The following NCKAP5 variants were observed in gnomAD, a reference collection of about 807,000 sequenced individuals.
NCKAP5 encodes the protein NCK associated protein 5, also known as nck-associated protein 5.
In NCKAP5, 92 loss-of-function variants were observed where a neutral mutation model predicts 167.0. The ratio of observed to expected loss-of-function variants is 0.55; its 90% CI spans 0.47 to 0.66. NCKAP5 has a LOEUF of 0.66. Ranked by LOEUF, NCKAP5 falls within the 30% of genes least tolerant of loss-of-function variation. NCKAP5 has a pLI of 0.00. For missense variants in NCKAP5, 2,378 were observed against 2,315.0 expected (o/e 1.03, Z -0.56); for synonymous variants, 891 against 877.4 (o/e 1.02, Z -0.27).
chr2:132,820,737 G>GAGC (rs961286694), intron 11 of NCKAP5, among the ~76,000 whole-genome samples: 7 of 152,114 alleles, frequency 4.6e-5, no homozygotes, highest in African/African-American at 1.7e-4. Context: ...TAAGCAAGAT[G>GAGC]GGCTGTGTTA....
chr2:133,473,130 G>C (rs150961174), intron 3 of NCKAP5, among the ~76,000 whole-genome samples: 1 of 152,046 alleles, frequency 6.6e-6, no homozygotes, highest in Non-Finnish European at 1.5e-5. Flanking sequence ...TCAGGAGATC[G>C]AGACCATCCT....
intron 2 of NCKAP5, among the ~76,000 whole-genome samples, chr2:133,520,147 C>T (rs564478546): frequency 4.2e-4 from 64 of 152,220 alleles, no homozygotes; most frequent in African/African-American, 1.4e-3. Context: ...GCCAAGATCG[C>T]GCCACTGCAC....
intron 4 of NCKAP5, among the ~76,000 whole-genome samples, chr2:133,248,192 G>A (rs1459221148): frequency 2.6e-5 from 4 of 152,234 alleles, no homozygotes; most frequent in Admixed American, 6.5e-5. Flanking sequence ...GGAGAAGGTG[G>A]TGGAATCATA....
intron 6 of NCKAP5, among the ~76,000 whole-genome samples, chr2:133,012,499 C>T (rs546698458): frequency 2.0e-5 from 3 of 152,284 alleles, no homozygotes; most frequent in African/African-American, 7.2e-5. Flanking sequence ...CTGCCCGCCT[C>T]GGCCTCCCAA....
At chr2:133,401,370 C>T (rs1324764424) in intron 3 of NCKAP5, among the ~76,000 whole-genome samples, 1 of 152,212 alleles carries the variant, frequency 6.6e-6, no homozygotes, top group Admixed American at 6.5e-5. Flanking sequence ...GTTCTGTGAG[C>T]TGTTCTAGCA....
chr2:133,102,274 G>A (rs921583836), intron 6 of NCKAP5, among the ~76,000 whole-genome samples: 2 of 152,122 alleles, frequency 1.3e-5, no homozygotes, highest in Non-Finnish European at 2.9e-5. Flanking sequence ...AGCCTCCCGA[G>A]TAGCCGGGAC....
At position 133,556,500 on chromosome 2, in the gene NCKAP5, C is replaced by G. The variant is rs181485090; in HGVS notation, c.-62+2550G>C. On this transcript the variant is annotated intron_variant, in intron 2 of 19. Transcript: ENST00000409261. ...TCCTTCTCCCCACTATGTTATGAAACCCATAAAGATAAATGTTTTCCCCTT... is the reference window on the plus strand; with the variant it reads ...TCCTTCTCCCCACTATGTTATGAAAGCCATAAAGATAAATGTTTTCCCCTT... Among the ~76,000 whole-genome samples, 299 of 152,278 alleles carry G rather than the reference C, an allele frequency of 2.0e-3. 2 individuals carry two copies. The highest frequency in any genetic ancestry group is 6.3e-3 in the African/African-American group (262 of 41,576).
At chr2:133,332,479 T>G (rs1463093954) in intron 3 of NCKAP5, among the ~76,000 whole-genome samples, 1 of 152,168 alleles carries the variant, frequency 6.6e-6, no homozygotes, top group Non-Finnish European at 1.5e-5. Flanking sequence ...ACCAATTATC[T>G]CAGGGGTGCA....
intron 4 of NCKAP5, among the ~76,000 whole-genome samples, chr2:133,288,789 G>A (rs554831274): frequency 7.0e-4 from 107 of 152,190 alleles, no homozygotes; most frequent in African/African-American, 2.3e-3. Flanking sequence ...GTTCATAAAA[G>A]AATTAATATC....
At chr2:132,714,828 A>T in intron 19 of NCKAP5, 1 of 444,254 alleles carries the variant, frequency 2.3e-6, no homozygotes, top group Non-Finnish European at 4.5e-6. Context: ...AAAAAAAAAA[A>T]AATCAGTTAA....
intron 6 of NCKAP5, among the ~76,000 whole-genome samples, chr2:133,091,912 C>T (rs999210570): frequency 5.9e-5 from 9 of 152,090 alleles, no homozygotes; most frequent in African/African-American, 2.2e-4. Context: ...AATAAAGATG[C>T]TTGTCAGTCA....
intron 2 of NCKAP5, among the ~76,000 whole-genome samples, chr2:133,524,981 CAT>C (rs747891570): frequency 1.3e-5 from 2 of 152,074 alleles, no homozygotes; most frequent in Non-Finnish European, 2.9e-5. Flanking sequence ...TGTATGTGTG[CAT>C]GTGTGTGTGT....
intron 3 of NCKAP5, among the ~76,000 whole-genome samples, chr2:133,414,470 T>C (rs1258749761): frequency 2.6e-5 from 4 of 152,034 alleles, no homozygotes; most frequent in South Asian, 2.1e-4. Flanking sequence ...AAGGGCAAAA[T>C]AGCCAATGGG....
chr2:133,273,289 A>T (rs1044385793), intron 4 of NCKAP5, among the ~76,000 whole-genome samples: 1 of 152,176 alleles, frequency 6.6e-6, no homozygotes, highest in African/African-American at 2.4e-5. Context: ...CTGATGGCTA[A>T]TGACGTTCAG....
chr2:133,149,348 TTTAG>T (rs2083304635), intron 5 of NCKAP5, among the ~76,000 whole-genome samples: 1 of 152,120 alleles, frequency 6.6e-6, no homozygotes, highest in Non-Finnish European at 1.5e-5. Flanking sequence ...ACATAATGGG[TTTAG>T]TTAATGTTAT....
At chr2:133,512,680 A>G (rs1232019804) in intron 3 of NCKAP5, among the ~76,000 whole-genome samples, 2 of 152,240 alleles carry the variant, frequency 1.3e-5, no homozygotes, top group Non-Finnish European at 2.9e-5. Context: ...TAAACAGCAG[A>G]GATTTAAATT....
chr2:133,507,255 A>G (rs1683095357), intron 3 of NCKAP5, among the ~76,000 whole-genome samples: 3 of 152,244 alleles, frequency 2.0e-5, no homozygotes, highest in African/African-American at 7.2e-5. Flanking sequence ...AAAGGGCAAC[A>G]GCCCTTGAGC....
chr2:132,887,831 G>A (rs568344781), intron 8 of NCKAP5, among the ~76,000 whole-genome samples: 3 of 152,118 alleles, frequency 2.0e-5, no homozygotes, highest in African/African-American at 7.2e-5. Context: ...AAACATTTTT[G>A]TAGAGATAAG....
At chr2:132,941,157 T>G (rs1016554723) in intron 8 of NCKAP5, among the ~76,000 whole-genome samples, 1 of 152,186 alleles carries the variant, frequency 6.6e-6, no homozygotes, top group African/African-American at 2.4e-5. Context: ...TCTAGAGCTC[T>G]TTAGCCTCCA....
Sources: allele counts gnomAD v4.1 joint callset (sites outside exome capture counted in the v4.1 genomes callset), GRCh38; gene constraint gnomAD v4.1.1; transcripts MANE v1.5; gene names NCBI Gene and HGNC (gene_info 2026-07-23, HGNC 2026-07-21).